Variants in RORA observed in about 807,000 individuals in gnomAD.
RORA encodes nuclear receptor ROR-alpha.
Under a neutral mutation model 69.5 loss-of-function variants are expected in RORA, and 7 were observed. The ratio of observed to expected loss-of-function variants is 0.10; its 90% CI spans 0.06 to 0.19. The LOEUF (loss-of-function observed/expected upper bound fraction) is 0.19, where lower values mean the gene tolerates loss of function less well. RORA is among the 10% of genes least tolerant of loss of function. The probability of loss-of-function intolerance (pLI) is 1.00; values close to 1 mark genes in which losing one functional copy is unlikely to be tolerated. For missense variants in RORA, 457 were observed against 663.0 expected, an observed-to-expected ratio of 0.69 and a Z score of 3.41; for synonymous variants, 261 against 240.8, an observed-to-expected ratio of 1.08 and a Z score of -0.78.
chr15:61,172,193 G>C (rs183420509), intron 1 of RORA, among the ~76,000 whole-genome samples: 1 of 152,180 alleles, frequency 6.6e-6, no homozygotes, highest in Admixed American at 6.5e-5. Context: ...TAATACACTG[G>C]AGCTTATCTT....
chr15:60,643,147 G>A (rs1309457426), intron 2 of RORA, among the ~76,000 whole-genome samples: 2 of 152,186 alleles, frequency 1.3e-5, no homozygotes, highest in African/African-American at 4.8e-5. Context: ...GCGACAGAGC[G>A]AAACTTGGTC....
intron 1 of RORA, among the ~76,000 whole-genome samples, chr15:60,712,754 C>T (rs947227375): frequency 6.6e-6 from 1 of 152,202 alleles, no homozygotes; most frequent in African/African-American, 2.4e-5. Flanking sequence ...CTCAGCTTTT[C>T]TTTATTTCCC....
chr15:60,593,662 C>G (rs891992949), intron 2 of RORA, among the ~76,000 whole-genome samples: 1 of 152,160 alleles, frequency 6.6e-6, no homozygotes, highest in Admixed American at 6.5e-5. Context: ...CCGAGCATAA[C>G]AGAAAAAAAT....
At chr15:60,670,290 G>A (rs1040807128) in intron 2 of RORA, among the ~76,000 whole-genome samples, 13 of 148,756 alleles carry the variant, frequency 8.7e-5, no homozygotes, top group African/African-American at 1.2e-4. Context: ...GCTTACTGCC[G>A]CTTCGGCATC....
chr15:60,657,818 T>G (rs74679061), intron 2 of RORA, among the ~76,000 whole-genome samples: 2,455 of 152,334 alleles, frequency 0.016, 78 homozygotes, highest in African/African-American at 0.056. Flanking sequence ...GCACTTCCCT[T>G]TATCTCCTCC....
At chr15:60,666,906 G>A (rs2070390495) in intron 2 of RORA, among the ~76,000 whole-genome samples, 1 of 152,198 alleles carries the variant, frequency 6.6e-6, no homozygotes, top group African/African-American at 2.4e-5. Context: ...CTTACAGGAG[G>A]TTGAATGAGA....
chr15:60,583,712 G>A (rs918084587), intron 2 of RORA, among the ~76,000 whole-genome samples: 1 of 152,182 alleles, frequency 6.6e-6, no homozygotes, highest in African/African-American at 2.4e-5. Flanking sequence ...CAAGGCCAAA[G>A]TTAACAGAAA....
chr15:60,822,753 C>G (rs1426301505), intron 1 of RORA, among the ~76,000 whole-genome samples: 1 of 152,192 alleles, frequency 6.6e-6, no homozygotes, highest in Non-Finnish European at 1.5e-5. Context: ...TGCCCAGGGT[C>G]AGGCCCGGAC....
chr15:60,733,043 G>T (rs1367740797), intron 1 of RORA, among the ~76,000 whole-genome samples: 1 of 152,212 alleles, frequency 6.6e-6, no homozygotes, highest in Non-Finnish European at 1.5e-5. Flanking sequence ...TCTGCGGCCG[G>T]CCCCTTTATT....
intron 3 of RORA, among the ~76,000 whole-genome samples, chr15:60,526,711 C>T (rs371913027): frequency 1.9e-3 from 286 of 152,098 alleles, no homozygotes; most frequent in African/African-American, 6.4e-3. Context: ...ACTGGGGCCA[C>T]GTATTAAAAT....
At chr15:60,750,351 C>T (rs926786438) in intron 1 of RORA, among the ~76,000 whole-genome samples, 5 of 152,166 alleles carry the variant, frequency 3.3e-5, no homozygotes, top group South Asian at 4.1e-4. Flanking sequence ...CTAGCTAAAA[C>T]CTGCAGTTTG....
At chr15:61,110,827 A>G (rs1262511971) in intron 1 of RORA, among the ~76,000 whole-genome samples, 1 of 152,214 alleles carries the variant, frequency 6.6e-6, no homozygotes, top group Non-Finnish European at 1.5e-5. Flanking sequence ...CTTGTCGTCC[A>G]ACTGGATCAG....
intron 2 of RORA, among the ~76,000 whole-genome samples, chr15:60,572,232 G>A (rs1354674417): frequency 6.6e-6 from 1 of 152,226 alleles, no homozygotes; most frequent in African/African-American, 2.4e-5. Flanking sequence ...ATCTGTTGGA[G>A]AAGATGTGGT....
chr15:60,601,026 A>G (rs1409749794), intron 2 of RORA: 1 of 152,224 alleles, frequency 6.6e-6, no homozygotes, highest in Admixed American at 6.5e-5. Context: ...GACAGGGCCA[A>G]TAACCGGTGG....
At chr15:60,529,122 C>T (rs2066453351) in intron 3 of RORA, 1 of 152,218 alleles carries the variant, frequency 6.6e-6, no homozygotes, top group Non-Finnish European at 1.5e-5. Flanking sequence ...ATGGTGTCAG[C>T]TTGTTAATTT....
At chr15:60,539,138 T>C (rs1470127932) in intron 2 of RORA, among the ~76,000 whole-genome samples, 1 of 152,154 alleles carries the variant, frequency 6.6e-6, no homozygotes, top group Admixed American at 6.5e-5. Flanking sequence ...CTTAGTTGTG[T>C]AAGAGTTAAA....
intron 2 of RORA, among the ~76,000 whole-genome samples, chr15:60,624,402 G>A (rs2069506215): frequency 7.1e-6 from 1 of 140,414 alleles, no homozygotes; most frequent in Non-Finnish European, 1.5e-5. Context: ...TTGAATCCAG[G>A]GACACGACCC....
intron 1 of RORA, among the ~76,000 whole-genome samples, chr15:60,886,021 C>G (rs1313178662): frequency 6.6e-6 from 1 of 152,194 alleles, no homozygotes; most frequent in African/African-American, 2.4e-5. Context: ...GGAATCACTT[C>G]CCCACTGTTT....
At chr15:61,062,472 G>A (rs896676878) in intron 1 of RORA, among the ~76,000 whole-genome samples, 1 of 152,158 alleles carries the variant, frequency 6.6e-6, no homozygotes, top group Non-Finnish European at 1.5e-5. Flanking sequence ...TGGAGTCAGG[G>A]AAGAGGTCTC....
Sources: gnomAD v4.1 joint callset for allele counts (sites outside exome capture counted in the v4.1 genomes callset) on GRCh38, gnomAD v4.1.1 for gene constraint, MANE v1.5 for transcripts, NCBI Gene and HGNC (gene_info 2026-07-23, HGNC 2026-07-21) for gene names.